PDSS2: variants seen among roughly 807,000 people sequenced by gnomAD.
The protein encoded by PDSS2 is all trans-polyprenyl-diphosphate synthase PDSS2.
In PDSS2, 31 loss-of-function variants were observed where a neutral mutation model predicts 44.5. That is an observed-to-expected ratio of 0.70 (90% CI 0.52 to 0.94). The LOEUF (loss-of-function observed/expected upper bound fraction) is 0.94, where lower values mean the gene tolerates loss of function less well. Among genes scored for constraint, PDSS2 ranks in the 40% least tolerant of loss-of-function variants. The probability of loss-of-function intolerance (pLI) is 0.00; values close to 1 mark genes in which losing one functional copy is unlikely to be tolerated. For synonymous variants in PDSS2, 157 were observed against 180.3 expected (o/e 0.87, Z 1.03); for missense variants, 452 against 482.2 (o/e 0.94, Z 0.59).
At chr6:107,303,182 CA>C (rs1776752733) in intron 2 of PDSS2, among the ~76,000 whole-genome samples, 1 of 152,164 alleles carries the variant, frequency 6.6e-6, no homozygotes, top group Admixed American at 6.6e-5. Context: ...AGGGAAAGCA[CA>C]ATGGGCTTGG....
chr6:107,422,408 T>A (rs538907649), intron 1 of PDSS2, among the ~76,000 whole-genome samples: 1 of 152,158 alleles, frequency 6.6e-6, no homozygotes, highest in South Asian at 2.1e-4. Context: ...AATTAATGTA[T>A]GAAAATATTT....
At chr6:107,249,596 A>G (rs1774745945) in intron 3 of PDSS2, among the ~76,000 whole-genome samples, 1 of 152,224 alleles carries the variant, frequency 6.6e-6, no homozygotes, top group Admixed American at 6.5e-5. Flanking sequence ...GCAAATAAAA[A>G]AAAAATGCTC....
At position 107,167,121 on chromosome 6, in the gene PDSS2, G is replaced by T. The variant is rs181857340; in HGVS notation, c.1042-12344C>A. 2.2e-3 allele frequency among the ~76,000 whole-genome samples: 328 copies of T among 152,096 alleles called. 1 individual carries two copies. The highest frequency in any genetic ancestry group is 3.8e-3 in the Non-Finnish European group (258 of 67,984). ...CCATCTGGTCCTGGACTTTTTTTTG[G>T]TTGGTAGGCTATTAATTATCGCCTC... On this transcript the variant is annotated intron_variant, in intron 7 of 7. Transcript: ENST00000369037.
At chr6:107,230,903 T>C (rs940603437) in intron 4 of PDSS2, among the ~76,000 whole-genome samples, 1 of 152,146 alleles carries the variant, frequency 6.6e-6, no homozygotes, top group African/African-American at 2.4e-5. Context: ...TTTCTCACAA[T>C]TTCTGTAGGT....
At chr6:107,198,515 A>G (rs1178117165) in intron 6 of PDSS2, among the ~76,000 whole-genome samples, 2 of 152,200 alleles carry the variant, frequency 1.3e-5, no homozygotes, top group Non-Finnish European at 2.9e-5. Context: ...TTTTAGGAAA[A>G]AACTCTGGTA....
chr6:107,334,828 G>A (rs538389150), intron 1 of PDSS2, among the ~76,000 whole-genome samples: 1 of 151,774 alleles, frequency 6.6e-6, no homozygotes, highest in Non-Finnish European at 1.5e-5. Flanking sequence ...GATTACAGGC[G>A]TGACCCACCA....
chr6:107,301,042 A>C (rs1014869138), intron 2 of PDSS2, among the ~76,000 whole-genome samples: 2 of 152,210 alleles, frequency 1.3e-5, no homozygotes, highest in Non-Finnish European at 2.9e-5. Context: ...CATTTGAAAT[A>C]AGCACTCATG....
intron 2 of PDSS2, among the ~76,000 whole-genome samples, chr6:107,329,261 G>A (rs1196195687): frequency 6.6e-6 from 1 of 152,172 alleles, no homozygotes; most frequent in East Asian, 1.9e-4. Context: ...AAACCATTCT[G>A]TGAAGTACAT....
chr6:107,163,329 C>G (rs1554247023), intron 7 of PDSS2, among the ~76,000 whole-genome samples: 2 of 152,174 alleles, frequency 1.3e-5, no homozygotes, highest in South Asian at 4.1e-4. Context: ...AGTCAATACT[C>G]AACTCCAGAC....
intron 7 of PDSS2, among the ~76,000 whole-genome samples, chr6:107,190,149 C>A (rs1582760295): frequency 6.6e-6 from 1 of 152,032 alleles, no homozygotes; most frequent in African/African-American, 2.4e-5. Context: ...TTTCCCTTAT[C>A]TTTTTATTCA....
intron 2 of PDSS2, among the ~76,000 whole-genome samples, chr6:107,292,142 T>C (rs1388834943): frequency 6.6e-6 from 1 of 151,436 alleles, no homozygotes; most frequent in African/African-American, 2.4e-5. Flanking sequence ...TATGTTAGAA[T>C]CTTGCATGCC....
At position 107,225,141 on chromosome 6, in the gene PDSS2, A is replaced by ATATATATATATATATATATT. The variant is rs1562389025; in HGVS notation, c.703-12860_703-12859insAATATATATATATATATATA. 1.5e-3 allele frequency among the ~76,000 whole-genome samples: 60 copies of ATATATATATATATATATATT among 39,462 alleles called. 2 individuals are homozygous for ATATATATATATATATATATT. Among genetic ancestry groups the ATATATATATATATATATATT allele is most frequent in the African/African-American group, 3.3e-3 (18 of 5,458 alleles). 25.9% of individuals were successfully genotyped at this position (39,462 alleles called of 152,430 possible). On this transcript the variant is annotated intron_variant, in intron 4 of 7. Coordinates refer to ENST00000369037, the MANE Select transcript of PDSS2 (RefSeq NM_020381.4). ...AGCTTCACTATATATATATTTTTAT[A>ATATATATATATATATATATT]TATATATATATATATATATATTTTT... is the stretch of plus-strand genomic sequence containing the variant.
chr6:107,327,961 A>G (rs945615067), intron 2 of PDSS2, among the ~76,000 whole-genome samples: 14 of 152,236 alleles, frequency 9.2e-5, no homozygotes, highest in Admixed American at 6.5e-5. Flanking sequence ...ACTGTAAAAC[A>G]TGTGTTTCAA....
chr6:107,284,145 A>G (rs1021260269), intron 2 of PDSS2, among the ~76,000 whole-genome samples: 5 of 152,094 alleles, frequency 3.3e-5, no homozygotes, highest in African/African-American at 1.2e-4. Context: ...TTTCTCTCTC[A>G]CTAGCTTCCT....
At chr6:107,411,012 C>T (rs7744023) in intron 1 of PDSS2, among the ~76,000 whole-genome samples, 2 of 151,658 alleles carry the variant, frequency 1.3e-5, no homozygotes, top group Non-Finnish European at 2.9e-5. Context: ...AGCCTCCCAA[C>T]TATCTGAGAT....
At chr6:107,365,429 G>A (rs1308580120) in intron 1 of PDSS2, among the ~76,000 whole-genome samples, 2 of 151,790 alleles carry the variant, frequency 1.3e-5, no homozygotes, top group Non-Finnish European at 2.9e-5. Context: ...TAATACAAAG[G>A]AAAGGAGTAA....
chr6:107,184,774 A>G (rs560487085), intron 7 of PDSS2, among the ~76,000 whole-genome samples: 2 of 152,300 alleles, frequency 1.3e-5, no homozygotes, highest in Non-Finnish European at 2.9e-5. Context: ...TATCCTTATA[A>G]AAAATCTCTT....
rs574823634 is a variant in PDSS2, at chr6:107,207,987, T to G, written c.1008+2452A>C. Among the ~76,000 whole-genome samples the G allele has an allele frequency of 1.6e-3, 233 of 144,102 alleles. 1 individual carries two copies. Among genetic ancestry groups the G allele is most frequent in the African/African-American group, 5.7e-3 (224 of 39,594 alleles). The allele number at this position is 144,102 out of a possible 152,430, so 94.5% of individuals were successfully genotyped here. On this transcript the variant is annotated intron_variant, in intron 6 of 7. Coordinates refer to ENST00000369037, the MANE Select transcript of PDSS2 (RefSeq NM_020381.4). Reference sequence around the variant, plus strand: ...TCTCTGTCTATGACTTGTTTTTTTTTTTTTTTTTTTTTTTATGAAACAGAG... The same window carrying G: ...TCTCTGTCTATGACTTGTTTTTTTTGTTTTTTTTTTTTTTATGAAACAGAG...
intron 4 of PDSS2, among the ~76,000 whole-genome samples, chr6:107,222,973 G>T (rs1467590865): frequency 6.7e-6 from 1 of 150,114 alleles, no homozygotes; most frequent in East Asian, 2.0e-4. Flanking sequence ...TTTTAAGATG[G>T]AGTATCACCC....
Sources: gnomAD v4.1 joint callset for allele counts (sites outside exome capture counted in the v4.1 genomes callset) on GRCh38, gnomAD v4.1.1 for gene constraint, MANE v1.5 for transcripts, NCBI Gene and HGNC (gene_info 2026-07-23, HGNC 2026-07-21) for gene names.